Variants in NCK1 observed in about 807,000 individuals in gnomAD.
NCK1 encodes SH2/SH3 adapter protein NCK1.
A neutral mutation model predicts 36.6 loss-of-function variants in NCK1; 19 were observed. The ratio of observed to expected loss-of-function variants is 0.52; its 90% confidence interval spans 0.36 to 0.76. NCK1 has a LOEUF of 0.76. Among genes scored for constraint, NCK1 ranks in the 30% least tolerant of loss-of-function variants. The pLI is 0.00. For missense variants in NCK1, 358 were observed against 445.6 expected (o/e 0.80, Z 1.77); for synonymous variants, 165 against 156.0 (o/e 1.06, Z -0.43).
intron 1 of NCK1, among the ~76,000 whole-genome samples, chr3:136,887,986 C>T (rs1365471078): frequency 6.6e-6 from 1 of 150,700 alleles, no homozygotes; most frequent in Admixed American, 6.6e-5. Context: ...CTCTTGTCGC[C>T]CAGGCTGGAG....
In NCK1 at chr3:136,902,595, C is replaced by T. The variant is rs1013568952; in HGVS notation, c.-18-25389C>T. ...TGTTGACACTTGTTTTGTGTCCTAA[C>T]TTGATCTATCCTGGAGAATGTTCTA... On this transcript the variant is annotated intron_variant, in intron 1 of 3. Transcript: ENST00000481752. 2.6e-5 allele frequency among the ~76,000 whole-genome samples: 4 copies of T among 152,270 alleles called. No individual in the cohort carries two copies. The East Asian group carries it at 7.7e-4, about 29-fold the overall frequency.
At chr3:136,901,545 A>C (rs951436677) in intron 1 of NCK1, among the ~76,000 whole-genome samples, 8 of 151,766 alleles carry the variant, frequency 5.3e-5, no homozygotes, top group African/African-American at 1.9e-4. Context: ...TTACTGATTA[A>C]ATGTCTTTAC....
intron 1 of NCK1, among the ~76,000 whole-genome samples, chr3:136,924,392 G>C (rs534221511): frequency 2.0e-5 from 3 of 152,288 alleles, no homozygotes; most frequent in East Asian, 3.9e-4. Context: ...GACAAGTGAA[G>C]CCAGCTTCTT....
At chr3:136,869,084 A>T (rs1162558326) in intron 1 of NCK1, among the ~76,000 whole-genome samples, 2 of 151,704 alleles carry the variant, frequency 1.3e-5, no homozygotes, top group East Asian at 1.9e-4. Flanking sequence ...CTAAAGATAT[A>T]AAAAAATGAG....
rs547700161 is a variant in NCK1, at chr3:136,874,106, G to A, written c.-19+11753G>A. Among the ~76,000 whole-genome samples, 3 of 152,262 alleles carry A rather than the reference G, an allele frequency of 2.0e-5. No individual in the cohort carries two copies. The East Asian group carries it at 5.8e-4, about 29-fold the overall frequency. ...AATATAATGTAATTTTAAAAAATTG[G>A]ACATTTGATTTTCAGTTTTTTGGCT... is the stretch of plus-strand genomic sequence containing the variant. On this transcript the variant is annotated intron_variant, in intron 1 of 3. Transcript: ENST00000481752.
chr3:136,903,960 G>A (rs911812995), intron 1 of NCK1, among the ~76,000 whole-genome samples: 4 of 151,824 alleles, frequency 2.6e-5, no homozygotes, highest in Non-Finnish European at 2.9e-5. Context: ...TTGTGTTTTT[G>A]TGATGGTAGA....
At chr3:136,874,845 G>T (rs1379696075) in intron 1 of NCK1, among the ~76,000 whole-genome samples, 2 of 152,028 alleles carry the variant, frequency 1.3e-5, no homozygotes, top group African/African-American at 4.8e-5. Context: ...GGTTGGCTAA[G>T]GATTCTAGGT....
intron 1 of NCK1, among the ~76,000 whole-genome samples, 186 bp from the exon 2 acceptor site, chr3:136,927,798 C>T (rs1433521338): frequency 6.6e-6 from 1 of 152,210 alleles, no homozygotes; most frequent in Non-Finnish European, 1.5e-5. Flanking sequence ...GGATTACAGG[C>T]ATGAGCCACT....
At chr3:136,887,943 C>CTTTTTTTTTTTTTTTTT (rs545194154) in intron 1 of NCK1, among the ~76,000 whole-genome samples, 1 of 134,090 alleles carries the variant, frequency 7.5e-6, no homozygotes, top group African/African-American at 2.7e-5. Context: ...TTCTTTCTTT[C>CTTTTTTTTTTTTTTTTT]TTTTTTTTTT....
At chr3:136,869,210 G>A (rs1230117445) in intron 1 of NCK1, among the ~76,000 whole-genome samples, 2 of 151,532 alleles carry the variant, frequency 1.3e-5, no homozygotes, top group Non-Finnish European at 2.9e-5. Flanking sequence ...ATTCCACTCC[G>A]GCCTGGGTAA....
At chr3:136,904,849 A>C (rs1939640858) in intron 1 of NCK1, among the ~76,000 whole-genome samples, 1 of 139,942 alleles carries the variant, frequency 7.1e-6, no homozygotes, top group Admixed American at 7.3e-5. Flanking sequence ...TTTTTTTTTA[A>C]TTATTACTTT....
chr3:136,945,759 G>A lies in NCK1; in HGVS notation c.403G>A (p.Val135Ile), dbSNP rs1940799115. 8 of 1,614,034 alleles carry A rather than the reference G, an allele frequency of 5.0e-6. No individual in the cohort carries two copies. The highest frequency in any genetic ancestry group is 1.7e-5 in the Admixed American group (1 of 59,998). The change falls in exon 3 of 4, where the codon GTC becomes ATC. Residue 135 changes from valine (V) to isoleucine (I), a missense_variant. By Grantham distance (29) the Val-to-Ile change is conservative. Around this residue, in one of 3 missense-constraint regions of NCK1, gnomAD observed 143 missense variants for 162.4 expected, o/e 0.88. Coordinates refer to ENST00000481752, the MANE Select transcript of NCK1 (RefSeq NM_001291999.2). ...ATTGATAAAGGGGACAAAGGTGATC[G>A]TCATGGAGAAATGCAGTGATGGGTG... is the stretch of plus-strand genomic sequence containing the variant. ...LSLIKGTKVI[V>I]MEKCSDGWWR...
At chr3:136,865,187 A>G (rs1344918792) in intron 1 of NCK1, among the ~76,000 whole-genome samples, 1 of 151,756 alleles carries the variant, frequency 6.6e-6, no homozygotes, top group Non-Finnish European at 1.5e-5. Flanking sequence ...TGAACTCCTG[A>G]CCTCGTGATC....
At chr3:136,925,970 A>G (rs1251070846) in intron 1 of NCK1, among the ~76,000 whole-genome samples, 2 of 152,154 alleles carry the variant, frequency 1.3e-5, no homozygotes, top group African/African-American at 4.8e-5. Flanking sequence ...GTGTGATCCA[A>G]TTTCAACTTA....
chr3:136,867,704 T>G (rs932103418), intron 1 of NCK1, among the ~76,000 whole-genome samples: 1 of 152,138 alleles, frequency 6.6e-6, no homozygotes, highest in African/African-American at 2.4e-5. Context: ...ACAAATAGAC[T>G]AGATGCACCA....
Position 136,949,771 on chromosome 3 carries a change from T to C in NCK1, c.*1318T>C, listed in dbSNP as rs1476794383. ...TAAGCATATGGATGTTTTAATTCTT[T>C]GCTGTTATAAATAGATATCTAATAC... On this transcript the variant is annotated 3_prime_UTR_variant, in exon 4 of 4. Coordinates refer to ENST00000481752, the MANE Select transcript of NCK1 (RefSeq NM_001291999.2). 6.6e-6 allele frequency: 1 copy of C among 152,080 alleles called. No individual in the cohort carries two copies. The highest frequency in any genetic ancestry group is 1.5e-5 in the Non-Finnish European group (1 of 67,910). 9.4% of individuals were successfully genotyped at this position (152,080 alleles called of 1,614,324 possible).
intron 2 of NCK1, among the ~76,000 whole-genome samples, chr3:136,936,942 T>C (rs763450332): frequency 6.6e-6 from 1 of 152,234 alleles, no homozygotes; most frequent in Non-Finnish European, 1.5e-5. Flanking sequence ...CACTTCTTGA[T>C]AGTGTGTTAT....
In NCK1 at chr3:136,930,983, T is replaced by G. The variant is rs1940375840; in HGVS notation, c.226+2756T>G. Among the ~76,000 whole-genome samples the G allele has an allele frequency of 3.3e-5, 5 of 150,344 alleles. No individual in the cohort carries two copies. The South Asian group carries it at 1.0e-3, about 31-fold the overall frequency. On this transcript the variant is annotated intron_variant, in intron 2 of 3. Transcript: ENST00000481752. ...TCATCCTCAACTTTGGAATTAACTT[T>G]TTTTTTTTTAACTACTTTTTGCTTA...
chr3:136,951,042 CAAAT>C lies in NCK1; in HGVS notation c.*2592_*2595del, dbSNP rs916334729. 2.0e-4 allele frequency among the ~76,000 whole-genome samples: 30 copies of C among 152,118 alleles called. No homozygotes were observed. Among genetic ancestry groups the C allele is most frequent in the Non-Finnish European group, 4.0e-4 (27 of 68,018 alleles). On this transcript the variant is annotated 3_prime_UTR_variant, in exon 4 of 4. Transcript: ENST00000481752. Reference sequence around the variant, plus strand: ...CACATGCACCTTGCACTATTAGTGACAAATAATACTGCTAAACAAAATAGGCTTC... The same window carrying C: ...CACATGCACCTTGCACTATTAGTGACAATACTGCTAAACAAAATAGGCTTC...
Sources: gnomAD v4.1 joint callset for allele counts (sites outside exome capture counted in the v4.1 genomes callset) on GRCh38, gnomAD v4.1.1 for gene constraint, gnomAD v4.1.1 regional missense constraint, MANE v1.5 for transcripts, NCBI Gene and HGNC (gene_info 2026-07-23, HGNC 2026-07-21) for gene names.